UNC80: variants seen among roughly 807,000 people sequenced by gnomAD.
UNC80 encodes the protein unc-80 subunit of NALCN channel complex.
UNC80 carries 164 observed loss-of-function variants against 384.6 expected under a neutral mutation model. The ratio of observed to expected loss-of-function variants is 0.43; its 90% CI spans 0.38 to 0.49. The LOEUF (loss-of-function observed/expected upper bound fraction) is 0.49, where lower values mean the gene tolerates loss of function less well. Ranked by LOEUF, UNC80 falls within the 20% of genes least tolerant of loss-of-function variation. UNC80 has a pLI of 0.00. For synonymous variants in UNC80, 1,486 were observed against 1,527.8 expected, an observed-to-expected ratio of 0.97 and a Z score of 0.64; for missense variants, 3,330 against 4,143.0, an observed-to-expected ratio of 0.80 and a Z score of 5.39.
chr2:209,826,274 C>G (rs577799370), intron 14 of UNC80, among the ~76,000 whole-genome samples: 6 of 152,300 alleles, frequency 3.9e-5, no homozygotes, highest in African/African-American at 1.4e-4. Context: ...TGCCTCCTGC[C>G]TAGGGCAGAC....
chr2:209,935,880 G>T, intron 40 of UNC80, 72 bp downstream of exon 40: 2 of 900,950 alleles, frequency 2.2e-6, no homozygotes, highest in Non-Finnish European at 3.4e-6. Context: ...ATCCATTTTA[G>T]AATAAAATGG....
intron 31 of UNC80, among the ~76,000 whole-genome samples, chr2:209,916,985 A>G (rs2089597093): frequency 6.6e-6 from 1 of 152,202 alleles, no homozygotes; most frequent in Admixed American, 6.5e-5. Context: ...TCGCAAGCTA[A>G]GAGAAGTTAA....
At chr2:209,972,468 G>GA in intron 55 of UNC80, 144 bp downstream of exon 55, 1 of 1,223,276 alleles carries the variant, frequency 8.2e-7, no homozygotes, top group South Asian at 1.6e-5. Context: ...TAGGAAATAA[G>GA]AGTTTTTCTT....
intron 44 of UNC80, among the ~76,000 whole-genome samples, chr2:209,941,787 A>G (rs1216240430): frequency 2.6e-5 from 4 of 152,160 alleles, no homozygotes; most frequent in East Asian, 1.9e-4. Context: ...GGAAATGTAC[A>G]TTCTGGTCAG....
chr2:209,880,407 T>C (rs1374733641), intron 24 of UNC80, among the ~76,000 whole-genome samples: 1 of 152,224 alleles, frequency 6.6e-6, no homozygotes, highest in African/African-American at 2.4e-5. Context: ...TAAGTATGTC[T>C]TGTCTGTGTT....
intron 20 of UNC80, among the ~76,000 whole-genome samples, chr2:209,841,030 C>T (rs1415949764): frequency 6.6e-6 from 1 of 152,106 alleles, no homozygotes; most frequent in Non-Finnish European, 1.5e-5. Flanking sequence ...CATAATTCAT[C>T]CTTTTCCCAC....
chr2:209,827,666 G>T (rs2080641990), intron 14 of UNC80, among the ~76,000 whole-genome samples: 1 of 152,084 alleles, frequency 6.6e-6, no homozygotes, highest in Admixed American at 6.6e-5. Flanking sequence ...ATAAATATGG[G>T]AAATTTTCCT....
At chr2:209,994,787 T>C (rs1036651865) in intron 64 of UNC80, among the ~76,000 whole-genome samples, 2 of 152,300 alleles carry the variant, frequency 1.3e-5, no homozygotes, top group Admixed American at 6.5e-5. Context: ...AGCTGAAAGA[T>C]AGTTCAATTT....
chr2:209,858,808 CAT>C (rs755940287), intron 22 of UNC80, among the ~76,000 whole-genome samples: 2 of 151,520 alleles, frequency 1.3e-5, no homozygotes, highest in Non-Finnish European at 2.9e-5. Context: ...TGATTACTGA[CAT>C]ATTTAGATTC....
chr2:209,863,424 G>A lies in UNC80; in HGVS notation c.3628-9334G>A, dbSNP rs183112436. 1.6e-3 allele frequency among the ~76,000 whole-genome samples: 248 copies of A among 152,274 alleles called. 5 individuals are homozygous for A. Among genetic ancestry groups the A allele is most frequent in the Non-Finnish European group, 4.0e-4 (27 of 68,032 alleles). On this transcript the variant is annotated intron_variant, in intron 22 of 64. Transcript: ENST00000673920. ...GTTCTCCCGCATAATATCCGGAAGT[G>A]TGTTTTCCAGCTTGTTTCCATTCTT... is the stretch of plus-strand genomic sequence containing the variant.
At chr2:209,805,165 AT>A (rs2078815335) in intron 7 of UNC80, among the ~76,000 whole-genome samples, 1 of 152,166 alleles carries the variant, frequency 6.6e-6, no homozygotes, top group African/African-American at 2.4e-5. Flanking sequence ...TCAACATTTT[AT>A]TTGGAAGTCT....
Position 209,839,136 on chromosome 2 carries a change from A to G in UNC80, c.3042-86A>G. The G allele has an allele frequency of 1.6e-6, 2 of 1,252,612 alleles. No individual in the cohort carries two copies. The highest frequency in any genetic ancestry group is 2.8e-5 in the South Asian group (2 of 70,756). 77.6% of individuals were successfully genotyped at this position (1,252,612 alleles called of 1,614,324 possible). ...AGATCATTTTGCATGATTTGCCTAA[A>G]TATCATTGACAGGAAGATGAAAGAA... On this transcript the variant is annotated intron_variant, in intron 18 of 64. Transcript: ENST00000673920. This position sits in a 1 kb window ranked among gnomAD's most constrained non-coding sequence, Gnocchi z 4.1.
intron 1 of UNC80, 39 bp downstream of exon 1, chr2:209,772,203 C>T: frequency 7.2e-7 from 1 of 1,390,074 alleles, no homozygotes; most frequent in Non-Finnish European, 9.5e-7. Context: ...CCGCCCTGGG[C>T]TGGGGGCGCT....
At chr2:209,977,335 A>G (rs1387036351) in intron 58 of UNC80, among the ~76,000 whole-genome samples, 3 of 152,234 alleles carry the variant, frequency 2.0e-5, no homozygotes, top group Non-Finnish European at 2.9e-5. Flanking sequence ...ATATTTTTTA[A>G]TCTTCATTTT....
chr2:209,932,763 T>C (rs1410186907), intron 38 of UNC80, among the ~76,000 whole-genome samples: 2 of 152,230 alleles, frequency 1.3e-5, no homozygotes, highest in Non-Finnish European at 2.9e-5. Context: ...CAGGCTGCAC[T>C]GACAGGCATG....
chr2:209,831,614 C>A, intron 16 of UNC80, 23 bp downstream of exon 16: 1 of 1,509,774 alleles, frequency 6.6e-7, no homozygotes, highest in Non-Finnish European at 8.9e-7. Flanking sequence ...CCTCTCTTCC[C>A]ACAGGAGCTC....
intron 14 of UNC80, among the ~76,000 whole-genome samples, chr2:209,826,363 A>G (rs559083598): frequency 2.2e-4 from 33 of 152,366 alleles, no homozygotes; most frequent in African/African-American, 7.7e-4. Context: ...AGATGAATAC[A>G]TTTAGCAAGC....
intron 42 of UNC80, among the ~76,000 whole-genome samples, chr2:209,938,710 C>CTCTCTCTCTGTGTGTGTGTG (rs1491352008): frequency 7.2e-5 from 6 of 83,512 alleles, no homozygotes; most frequent in African/African-American, 2.3e-4. Context: ...CTCTCTCTCT[C>CTCTCTCTCTGTGTGTGTGTG]TGTGTGTGTG....
intron 2 of UNC80, 39 bp downstream of exon 2, chr2:209,773,181 C>T: frequency 6.4e-7 from 1 of 1,566,394 alleles, no homozygotes; most frequent in Non-Finnish European, 8.8e-7. Flanking sequence ...TTTCCCTATT[C>T]TGTGTGGTGG....
Sources: gnomAD v4.1 joint callset for allele counts (sites outside exome capture counted in the v4.1 genomes callset) on GRCh38, gnomAD v4.1.1 for gene constraint, Gnocchi (gnomAD v3.1) non-coding constraint, MANE v1.5 for transcripts, NCBI Gene and HGNC (gene_info 2026-07-23, HGNC 2026-07-21) for gene names.